The following CACNA1C variants were observed in gnomAD, a reference collection of about 807,000 sequenced individuals.
CACNA1C encodes the protein voltage-dependent L-type calcium channel subunit alpha-1C.
Under a neutral mutation model 229.0 loss-of-function variants are expected in CACNA1C, and 30 were observed. The ratio of observed to expected loss-of-function variants is 0.13; its 90% CI spans 0.10 to 0.18. The LOEUF (loss-of-function observed/expected upper bound fraction) is 0.18. Among genes scored for constraint, CACNA1C ranks in the 10% least tolerant of loss-of-function variants. The probability of loss-of-function intolerance (pLI) is 1.00; values close to 1 mark genes in which losing one functional copy is unlikely to be tolerated. For synonymous variants in CACNA1C, 1,114 were observed against 1,132.5 expected, an observed-to-expected ratio of 0.98 and a Z score of 0.33; for missense variants, 1,658 against 2,845.0, an observed-to-expected ratio of 0.58 and a Z score of 9.49.
chr12:2,096,041 G>A (rs145535955), intron 1 of CACNA1C, among the ~76,000 whole-genome samples: 1,975 of 152,290 alleles, frequency 0.013, 51 homozygotes, highest in African/African-American at 0.045. Flanking sequence ...AGATGAGCAC[G>A]TCATGGCCTG....
rs1281527813 is a variant in CACNA1C at position 2,287,567 on chromosome 12, G to A, written c.478-161409G>A. ...TGGGTAAAGCAGACCATGTGCCATC[G>A]GGAGTGCTCCTGTGATTCTTTAAGT... On this transcript the variant is annotated intron_variant, in intron 3 of 46. Transcript: ENST00000399655. The surrounding 1 kb of genome is among the most constrained non-coding windows in gnomAD (Gnocchi z 4.6). 2.6e-5 allele frequency among the ~76,000 whole-genome samples: 4 copies of A among 152,174 alleles called. No homozygotes were observed. Among genetic ancestry groups the A allele is most frequent in the Admixed American group, 1.3e-4 (2 of 15,280 alleles).
chr12:2,487,272 A>G lies in CACNA1C; in HGVS notation c.916+1010A>G, dbSNP rs75174717. Among the ~76,000 whole-genome samples, 17 of 151,954 alleles carry G rather than the reference A, an allele frequency of 1.1e-4. No homozygotes were observed. In the East Asian group the frequency reaches 3.3e-3, roughly 30 times the overall value. ...AAGGGGAGCATCATCTGCCGGAAAC[A>G]GTGAAGGATACCTAATTTTCTCCAT... is the stretch of plus-strand genomic sequence containing the variant. On this transcript the variant is annotated intron_variant, in intron 6 of 46. Coordinates refer to ENST00000399655, the MANE Select transcript of CACNA1C (RefSeq NM_000719.7).
intron 1 of CACNA1C, among the ~76,000 whole-genome samples, chr12:2,000,694 A>T (rs947747966): frequency 1.3e-5 from 2 of 152,192 alleles, no homozygotes; most frequent in Non-Finnish European, 2.9e-5. Context: ...TTGCCAGATC[A>T]TGCTGGGCTA....
chr12:2,074,779 C>A (rs1193272573), intron 1 of CACNA1C, among the ~76,000 whole-genome samples: 1 of 152,196 alleles, frequency 6.6e-6, no homozygotes, highest in Admixed American at 6.5e-5. Context: ...CCATAGCCAT[C>A]CATACCCTGA....
intron 1 of CACNA1C, among the ~76,000 whole-genome samples, chr12:2,019,571 AAAAGAAAGAGAGAGAG>A (rs1565941808): frequency 2.4e-5 from 3 of 126,472 alleles, no homozygotes; most frequent in Non-Finnish European, 4.9e-5. Context: ...GGAAGGAAAG[AAAAGAAAGAGAGAGAG>A]AAAGAAAGAG....
intron 3 of CACNA1C, among the ~76,000 whole-genome samples, chr12:2,360,737 CCTTTCTGTCT>C (rs2097537539): frequency 6.6e-6 from 1 of 152,216 alleles, no homozygotes; most frequent in Non-Finnish European, 1.5e-5. Context: ...TCCAGCTCTA[CCTTTCTGTCT>C]CTACTGGCTG....
At chr12:2,593,543 T>C (rs1469737750) in intron 19 of CACNA1C, among the ~76,000 whole-genome samples, 198 bp downstream of exon 19, 1 of 152,246 alleles carries the variant, frequency 6.6e-6, no homozygotes, top group Non-Finnish European at 1.5e-5. Flanking sequence ...CTCCACTTTT[T>C]GAAATGTTTA....
intron 9 of CACNA1C, among the ~76,000 whole-genome samples, chr12:2,514,759 C>T (rs1186750533): frequency 1.3e-5 from 2 of 152,164 alleles, no homozygotes; most frequent in African/African-American, 2.4e-5. Flanking sequence ...TGGTTATCCA[C>T]CGAGATAACA....
intron 3 of CACNA1C, among the ~76,000 whole-genome samples, chr12:2,405,178 G>A (rs2098722384): frequency 6.6e-6 from 1 of 152,152 alleles, no homozygotes; most frequent in Non-Finnish European, 1.5e-5. Flanking sequence ...TAGGTTCATA[G>A]GAAGTTTCAA....
chr12:2,674,651 T>A lies in CACNA1C; in HGVS notation c.4828+9T>A. The A allele has an allele frequency of 6.4e-7, 1 of 1,551,498 alleles. No homozygotes were observed. On this transcript the variant is annotated intron_variant, in intron 39 of 46. Coordinates refer to ENST00000399655, the MANE Select transcript of CACNA1C (RefSeq NM_000719.7). The stretch of plus-strand genomic sequence containing the variant: ...GGTGCCCCCTGCAGGTGGTGAGTGC[T>A]CCCTGGACTCCCGCACCTTGGCCAC...
intron 7 of CACNA1C, among the ~76,000 whole-genome samples, chr12:2,500,021 CCAGGCAGGCCA>C (rs1350071032): frequency 1.3e-5 from 2 of 149,668 alleles, no homozygotes; most frequent in Non-Finnish European, 3.0e-5. Flanking sequence ...CAGACCAGAG[CCAGGCAGGCCA>C]GAGAATCACC....
chr12:2,387,579 C>T (rs539092429), intron 3 of CACNA1C, among the ~76,000 whole-genome samples: 5 of 152,296 alleles, frequency 3.3e-5, no homozygotes, highest in Non-Finnish European at 1.5e-5. Context: ...TAATAATGAA[C>T]TAAGAGCTAT....
intron 1 of CACNA1C, among the ~76,000 whole-genome samples, chr12:2,010,398 CA>C (rs139595735): frequency 0.017 from 2,517 of 152,048 alleles, 36 homozygotes; most frequent in Non-Finnish European, 0.029. Flanking sequence ...AGACATCTAC[CA>C]GGGGGGGCTT....
chr12:1,997,790 G>T, intron 1 of CACNA1C: 1 of 675,672 alleles, frequency 1.5e-6, no homozygotes, highest in Non-Finnish European at 2.5e-6. Flanking sequence ...TCCCTTCTTC[G>T]TGTCAACTAA....
At chr12:2,037,103 A>G (rs2049286935) in intron 1 of CACNA1C, among the ~76,000 whole-genome samples, 1 of 152,216 alleles carries the variant, frequency 6.6e-6, no homozygotes, top group African/African-American at 2.4e-5. Context: ...GTTTTTAGGC[A>G]GGATTCATTC....
chr12:2,575,023 G>A lies in CACNA1C; in HGVS notation c.1896-6567G>A, dbSNP rs117358463. Among the ~76,000 whole-genome samples, 1,871 of 152,300 alleles carry A rather than the reference G, an allele frequency of 0.012. 16 individuals are homozygous for A. The highest frequency in any genetic ancestry group is 0.022 in the Non-Finnish European group (1,484 of 68,024). ...ACTAGGTGACACTGAGTAGCCCCGTGGCCCAGAAGCTCAGAGAAGCATGCT... is the reference window on the plus strand; with the variant it reads ...ACTAGGTGACACTGAGTAGCCCCGTAGCCCAGAAGCTCAGAGAAGCATGCT... On this transcript the variant is annotated intron_variant, in intron 13 of 46. Transcript: ENST00000399655. This position sits in a 1 kb window ranked among gnomAD's most constrained non-coding sequence, Gnocchi z 4.0.
chr12:2,308,967 A>G (rs1418213021), intron 3 of CACNA1C, among the ~76,000 whole-genome samples: 1 of 152,232 alleles, frequency 6.6e-6, no homozygotes, highest in Non-Finnish European at 1.5e-5. Flanking sequence ...AACTAACCAT[A>G]GGATCCAGAA....
chr12:2,580,356 T>C lies in CACNA1C; in HGVS notation c.1896-1234T>C, dbSNP rs546510548. Reference sequence around the variant, plus strand: ...CTTCTGTCCCTTGGTGTGGAACCATTCTCTGCAGAGATGAGCCCAGGCTGT... The same window carrying C: ...CTTCTGTCCCTTGGTGTGGAACCATCCTCTGCAGAGATGAGCCCAGGCTGT... On this transcript the variant is annotated intron_variant, in intron 13 of 46. Transcript: ENST00000399655. Among the ~76,000 whole-genome samples, 8 of 152,276 alleles carry C rather than the reference T, an allele frequency of 5.3e-5. No individual in the cohort carries two copies. In the East Asian group the frequency reaches 1.5e-3, roughly 29 times the overall value.
chr12:2,302,801 GA>G (rs1249498355), intron 3 of CACNA1C, among the ~76,000 whole-genome samples: 1 of 152,226 alleles, frequency 6.6e-6, no homozygotes, highest in African/African-American at 2.4e-5. Flanking sequence ...CTCATGAGAA[GA>G]ATGGTATTTT....
Sources: gnomAD v4.1 joint callset for allele counts (sites outside exome capture counted in the v4.1 genomes callset) on GRCh38, gnomAD v4.1.1 for gene constraint, Gnocchi (gnomAD v3.1) non-coding constraint, MANE v1.5 for transcripts, NCBI Gene and HGNC (gene_info 2026-07-23, HGNC 2026-07-21) for gene names.